The following GPHN variants were observed in gnomAD, a reference collection of about 807,000 sequenced individuals.
GPHN encodes the protein gephyrin.
In GPHN, 17 loss-of-function variants were observed where a neutral mutation model predicts 95.5. The ratio of observed to expected loss-of-function variants is 0.18; its 90% CI spans 0.12 to 0.27. GPHN has a LOEUF of 0.27. Ranked by LOEUF, GPHN falls within the 10% of genes least tolerant of loss-of-function variation. GPHN has a pLI of 1.00. For synonymous variants in GPHN, 320 were observed against 322.5 expected, an observed-to-expected ratio of 0.99 and a Z score of 0.08; for missense variants, 660 against 978.1, an observed-to-expected ratio of 0.67 and a Z score of 4.34.
intron 3 of GPHN, among the ~76,000 whole-genome samples, chr14:66,818,098 CT>C (rs974139579): frequency 3.9e-5 from 6 of 151,928 alleles, no homozygotes; most frequent in African/African-American, 9.7e-5. Flanking sequence ...TATAATCCCT[CT>C]TTTTTTTAAC....
At chr14:66,586,341 A>T (rs2061418372) in intron 1 of GPHN, among the ~76,000 whole-genome samples, 1 of 152,166 alleles carries the variant, frequency 6.6e-6, no homozygotes, top group South Asian at 2.1e-4. Context: ...CTCTGTATCC[A>T]GTTTACCAGT....
chr14:67,225,094 ATTC>A, the GPHN span: 5 of 1,535,262 alleles, frequency 3.3e-6, no homozygotes, highest in African/African-American at 1.4e-5. Context: ...TACTTTCCTT[ATTC>A]TTTTTCTTTT....
At chr14:66,827,465 C>G (rs575863137) in intron 4 of GPHN, among the ~76,000 whole-genome samples, 1 of 152,288 alleles carries the variant, frequency 6.6e-6, no homozygotes, top group South Asian at 2.1e-4. Context: ...CATTTAACCA[C>G]TCTGTGCCTT....
intron 4 of GPHN, among the ~76,000 whole-genome samples, chr14:66,848,863 A>G (rs531610017): frequency 6.6e-6 from 1 of 151,972 alleles, no homozygotes; most frequent in East Asian, 1.9e-4. Context: ...ATTATTACCT[A>G]AGACTAATTC....
At chr14:66,929,264 G>T (rs2066653132) in intron 8 of GPHN, among the ~76,000 whole-genome samples, 1 of 151,880 alleles carries the variant, frequency 6.6e-6, no homozygotes, top group Admixed American at 6.6e-5. Context: ...ATGTTGGCCA[G>T]GCTGATCTCG....
the GPHN span, among the ~76,000 whole-genome samples, chr14:67,327,553 G>A: frequency 2.5e-4 from 38 of 151,434 alleles, no homozygotes; most frequent in East Asian, 3.9e-4. Context: ...GGTTTGTTAC[G>A]TATGTATACA....
chr14:67,085,186 A>T (rs889818650), intron 11 of GPHN, among the ~76,000 whole-genome samples: 1 of 152,204 alleles, frequency 6.6e-6, no homozygotes. Flanking sequence ...ATTGCAAACT[A>T]CCAGAACAAA....
chr14:67,113,055 T>C lies in GPHN; in HGVS notation c.1510T>C (p.Leu504=). 1 of 1,613,924 alleles carries C rather than the reference T, an allele frequency of 6.2e-7. No homozygotes were observed. The highest frequency in any genetic ancestry group is 8.5e-7 in the Non-Finnish European group (1 of 1,179,822). ...TGACATTAAAAGAGGGGAATGTGTT[T>C]TGGCCAAAGGAACCCACATGGGCCC... ...GHDIKRGECV[L]AKGTHMGPSE... The change falls in exon 16 of 23, where the codon TTG becomes CTG. Residue 504 remains leucine (L), a synonymous_variant. Transcript: ENST00000478722.
the GPHN span, among the ~76,000 whole-genome samples, chr14:67,546,973 G>A: frequency 6.6e-6 from 1 of 152,096 alleles, no homozygotes; most frequent in African/African-American, 2.4e-5. Context: ...CCAACAGAGT[G>A]ACTGGAAAGC....
chr14:66,930,759 C>T (rs954583447), intron 8 of GPHN, among the ~76,000 whole-genome samples: 4 of 152,142 alleles, frequency 2.6e-5, no homozygotes, highest in African/African-American at 4.8e-5. Flanking sequence ...CTCCTGGGCT[C>T]AAGCGATCCA....
intron 10 of GPHN, among the ~76,000 whole-genome samples, chr14:67,052,667 C>T (rs987286899): frequency 2.0e-5 from 3 of 152,158 alleles, no homozygotes; most frequent in Non-Finnish European, 4.4e-5. Context: ...CCATATGGCA[C>T]TTACTCCTAA....
Position 67,160,650 on chromosome 14 carries a change from A to G in GPHN, c.1910+1162A>G, listed in dbSNP as rs1049400108. On this transcript the variant is annotated intron_variant, in intron 19 of 22. Coordinates refer to ENST00000478722, the MANE Select transcript of GPHN (RefSeq NM_020806.5). ...ACTGTATGGCTGAGAGTTCCAGCCCACCTCCATGCTGTCAGGGACAACAGT... is the reference window on the plus strand; with the variant it reads ...ACTGTATGGCTGAGAGTTCCAGCCCGCCTCCATGCTGTCAGGGACAACAGT... 6.8e-4 allele frequency among the ~76,000 whole-genome samples: 104 copies of G among 152,152 alleles called. 5 individuals are homozygous for G. Among genetic ancestry groups the G allele is most frequent in the Non-Finnish European group, 2.9e-5 (2 of 68,032 alleles).
intron 4 of GPHN, among the ~76,000 whole-genome samples, chr14:66,865,601 G>A (rs1384866319): frequency 1.3e-5 from 2 of 152,168 alleles, no homozygotes; most frequent in African/African-American, 4.8e-5. Flanking sequence ...ATTAGGTACA[G>A]AAGAAGCCTA....
the GPHN span, among the ~76,000 whole-genome samples, chr14:67,549,033 T>C: frequency 2.6e-5 from 4 of 152,164 alleles, no homozygotes; most frequent in Non-Finnish European, 5.9e-5. Flanking sequence ...TCACAACATA[T>C]GGGTAGCCCA....
intron 9 of GPHN, among the ~76,000 whole-genome samples, chr14:66,997,801 AACATACC>A (rs1219738838): frequency 1.3e-5 from 2 of 152,168 alleles, no homozygotes; most frequent in African/African-American, 4.8e-5. Flanking sequence ...AACTTCTTGA[AACATACC>A]ACTAGGGAGA....
At chr14:66,557,736 T>C (rs775714748) in intron 1 of GPHN, among the ~76,000 whole-genome samples, 2 of 152,178 alleles carry the variant, frequency 1.3e-5, no homozygotes, top group African/African-American at 2.4e-5. Context: ...TGGATTCTGC[T>C]TAAATGTGGT....
At chr14:66,636,553 T>C (rs566443772) in intron 1 of GPHN, among the ~76,000 whole-genome samples, 1 of 152,282 alleles carries the variant, frequency 6.6e-6, no homozygotes, top group South Asian at 2.1e-4. Flanking sequence ...GACTGAAATT[T>C]AACTTCAGCC....
At position 67,100,906 on chromosome 14, in the gene GPHN, G is replaced by C; in HGVS notation, c.1288G>C (p.Glu430Gln). The change falls in exon 13 of 23, where the codon GAA becomes CAA. Residue 430 changes from glutamate to glutamine, a missense_variant. Around this residue, in one of 6 missense-constraint regions of GPHN, gnomAD observed 257 missense variants for 376.2 expected, o/e 0.68. Transcript: ENST00000478722. Reference protein sequence around the residue: ...RFIIGESQAGEQPTQTVMPGQ... With the variant: ...RFIIGESQAGQQPTQTVMPGQ... ...CATCATTGGGGAATCCCAAGCTGGT[G>C]AACAGGTGAGATTGATAGGCCTGAA... is the stretch of plus-strand genomic sequence containing the variant. 6.3e-7 allele frequency: 1 copy of C among 1,585,410 alleles called. No homozygotes were observed. The highest frequency in any genetic ancestry group is 8.7e-7 in the Non-Finnish European group (1 of 1,153,830).
At chr14:67,429,617 T>C in the GPHN span, among the ~76,000 whole-genome samples, 3 of 151,936 alleles carry the variant, frequency 2.0e-5, no homozygotes, top group South Asian at 6.2e-4. Flanking sequence ...GCACCTGTAA[T>C]CCCAGCTACT....
Sources: allele counts gnomAD v4.1 joint callset (sites outside exome capture counted in the v4.1 genomes callset), GRCh38; gene constraint gnomAD v4.1.1; regional missense constraint gnomAD v4.1.1; transcripts MANE v1.5; gene names NCBI Gene and HGNC (gene_info 2026-07-23, HGNC 2026-07-21).